CDKL4: variants seen among roughly 807,000 people sequenced by gnomAD.
CDKL4 encodes cyclin-dependent kinase-like 4.
In CDKL4, 44 loss-of-function variants were observed where a neutral mutation model predicts 42.0. That is an observed-to-expected ratio of 1.05 (90% CI 0.82 to 1.35). The LOEUF is 1.35. CDKL4 is among the 40% of genes most tolerant of loss of function. CDKL4 has a pLI of 0.00. For missense variants in CDKL4, 393 were observed against 369.9 expected (o/e 1.06, Z -0.51); for synonymous variants, 120 against 121.6 (o/e 0.99, Z 0.09).
At chr2:39,197,907 G>T (rs1676616541) in intron 5 of CDKL4, among the ~76,000 whole-genome samples, 1 of 149,806 alleles carries the variant, frequency 6.7e-6, no homozygotes, top group African/African-American at 2.5e-5. Flanking sequence ...AATCTCACAG[G>T]ACCTATAAAA....
chr2:39,229,736 AG>A (rs1678978148), intron 1 of CDKL4, 148 bp from the exon 2 acceptor site: 1 of 443,410 alleles, frequency 2.3e-6, no homozygotes, highest in Non-Finnish European at 3.9e-6. Flanking sequence ...TTATTTTGTT[AG>A]TTTAGTTTAG....
intron 4 of CDKL4, among the ~76,000 whole-genome samples, chr2:39,208,676 T>C (rs1035644709): frequency 2.0e-5 from 3 of 151,360 alleles, no homozygotes; most frequent in Non-Finnish European, 4.4e-5. Flanking sequence ...ATGCTCAGGT[T>C]CAGTTGTTGT....
intron 9 of CDKL4, among the ~76,000 whole-genome samples, chr2:39,176,968 A>G (rs1360938681): frequency 6.6e-6 from 1 of 152,020 alleles, no homozygotes; most frequent in East Asian, 1.9e-4. Context: ...TGGGCACCTC[A>G]CTTGAAGGAG....
At position 39,234,717 on chromosome 2, in the gene CDKL4, G is replaced by C. The variant is rs535121449; in HGVS notation, c.-56-5129C>G. Among the ~76,000 whole-genome samples, 6 of 152,140 alleles carry C rather than the reference G, an allele frequency of 3.9e-5. No homozygotes were observed. The South Asian group carries it at 1.0e-3, about 26-fold the overall frequency. On this transcript the variant is annotated intron_variant, in intron 1 of 9. Transcript: ENST00000451199. ...TACTCTCTGAGCCTCCAGACAAAAA[G>C]ATTAAATAAGTGTGAGAGGATTAGA...
chr2:39,244,424 C>T (rs567897243), upstream of CDKL4, among the ~76,000 whole-genome samples: 6 of 152,358 alleles, frequency 3.9e-5, no homozygotes, highest in South Asian at 1.2e-3. Context: ...CCCGGGCCAG[C>T]GGCTGCAGAA....
At chr2:39,184,308 G>C (rs1347416612) in intron 8 of CDKL4, among the ~76,000 whole-genome samples, 1 of 152,200 alleles carries the variant, frequency 6.6e-6, no homozygotes, top group Admixed American at 6.5e-5. Flanking sequence ...ATTTGAATCT[G>C]TCCTTGGTTT....
intron 3 of CDKL4, among the ~76,000 whole-genome samples, chr2:39,221,004 T>C (rs1678313569): frequency 1.9e-5 from 1 of 53,580 alleles, no homozygotes; most frequent in Non-Finnish European, 4.8e-5. Context: ...TTTTTTTGTT[T>C]TTTTTTTTGT....
At chr2:39,199,486 T>C (rs990008502) in intron 5 of CDKL4, among the ~76,000 whole-genome samples, 6 of 152,146 alleles carry the variant, frequency 3.9e-5, no homozygotes, top group Non-Finnish European at 1.5e-5. Context: ...TAAATCACTC[T>C]ATGAAGACAG....
Position 39,212,333 on chromosome 2 carries a change from A to C in CDKL4, c.363+1067T>G, listed in dbSNP as rs577492259. On this transcript the variant is annotated intron_variant, in intron 4 of 9. Transcript: ENST00000451199. ...ACTGCAAGCTCCGCCTCCTGGGTTCACACCATTCTCCTGCCTCAGCCTCCC... is the reference window on the plus strand; with the variant it reads ...ACTGCAAGCTCCGCCTCCTGGGTTCCCACCATTCTCCTGCCTCAGCCTCCC... Among the ~76,000 whole-genome samples the C allele has an allele frequency of 2.2e-3, 325 of 150,702 alleles. 1 individual carries two copies. The highest frequency in any genetic ancestry group is 7.4e-3 in the African/African-American group (304 of 40,870).
At position 39,238,041 on chromosome 2, in the gene CDKL4, T is replaced by A. The variant is rs547431906; in HGVS notation, c.-57+5830A>T. ...GCATACTGAAAATTACAAAATACCA[T>A]TGAAAGAAATTAAAGATCTAAATAA... On this transcript the variant is annotated intron_variant, in intron 1 of 9. Transcript: ENST00000451199. Among the ~76,000 whole-genome samples, 4 of 152,234 alleles carry A rather than the reference T, an allele frequency of 2.6e-5. No individual in the cohort carries two copies. In the East Asian group the frequency reaches 7.7e-4, roughly 29 times the overall value.
At chr2:39,170,482 G>C in the CDKL4 span, among the ~76,000 whole-genome samples, 1 of 151,878 alleles carries the variant, frequency 6.6e-6, no homozygotes, top group Non-Finnish European at 1.5e-5. Flanking sequence ...TTGAGACAGA[G>C]TCTTGCTCTT....
intron 2 of CDKL4, among the ~76,000 whole-genome samples, chr2:39,226,434 A>AATTATATATATTATATATATAT (rs1553393077): frequency 6.9e-5 from 7 of 101,572 alleles, no homozygotes; most frequent in Non-Finnish European, 1.3e-4. Context: ...TATTTATATA[A>AATTATATATATTATATATATAT]ATTATATATA....
intron 4 of CDKL4, among the ~76,000 whole-genome samples, chr2:39,206,439 T>G (rs1261734860): frequency 5.9e-5 from 9 of 152,190 alleles, no homozygotes; most frequent in African/African-American, 9.6e-5. Flanking sequence ...ATAATGACCC[T>G]GAATGAAACA....
intron 3 of CDKL4, among the ~76,000 whole-genome samples, chr2:39,220,418 C>G (rs1304628292): frequency 6.6e-6 from 1 of 152,054 alleles, no homozygotes; most frequent in East Asian, 1.9e-4. Flanking sequence ...CAAAGTGAAA[C>G]AGAGGAAGAG....
At position 39,226,016 on chromosome 2, in the gene CDKL4, C is replaced by T; in HGVS notation, c.169-56G>A. 4.0e-6 allele frequency: 6 copies of T among 1,500,878 alleles called. No individual in the cohort carries two copies. In the South Asian group the frequency reaches 5.5e-5, roughly 14 times the overall value. 93.0% of individuals were successfully genotyped at this position (1,500,878 alleles called of 1,614,324 possible). The stretch of plus-strand genomic sequence containing the variant: ...GATCTGTTACTAGTAAAAGCTTCTA[C>T]CCAGACCCCTTAAAGAAACTTAAAG... On this transcript the variant is annotated intron_variant, in intron 2 of 9. Coordinates refer to ENST00000451199, the Ensembl canonical transcript of CDKL4.
chr2:39,241,334 T>C (rs1007821197), intron 1 of CDKL4, among the ~76,000 whole-genome samples: 7 of 152,194 alleles, frequency 4.6e-5, no homozygotes, highest in South Asian at 2.1e-4. Flanking sequence ...TGAGTCCAGA[T>C]ATATGAGTTT....
At chr2:39,179,640 G>A (rs1475041035) in intron 8 of CDKL4, among the ~76,000 whole-genome samples, 2 of 152,158 alleles carry the variant, frequency 1.3e-5, no homozygotes, top group Non-Finnish European at 2.9e-5. Flanking sequence ...TATAGTCCCT[G>A]GACTAAAAAC....
chr2:39,180,397 G>A (rs1406971935), intron 8 of CDKL4, among the ~76,000 whole-genome samples: 1 of 152,230 alleles, frequency 6.6e-6, no homozygotes, highest in East Asian at 1.9e-4. Context: ...CTGCCCTGTG[G>A]TGTCTGTTCC....
At chr2:39,223,186 C>G (rs1355322158) in intron 3 of CDKL4, among the ~76,000 whole-genome samples, 4 of 152,068 alleles carry the variant, frequency 2.6e-5, no homozygotes, top group African/African-American at 9.7e-5. Flanking sequence ...TACCAAAATG[C>G]CTGTAACCAA....
Sources: gnomAD v4.1 joint callset for allele counts (sites outside exome capture counted in the v4.1 genomes callset) on GRCh38, gnomAD v4.1.1 for gene constraint, MANE v1.5 for transcripts, NCBI Gene and HGNC (gene_info 2026-07-23, HGNC 2026-07-21) for gene names.